The following ABCC2 variants were observed in gnomAD, a reference collection of about 807,000 sequenced individuals.
The protein encoded by ABCC2 is ATP binding cassette subfamily C member 2.
Under a neutral mutation model 173.4 loss-of-function variants are expected in ABCC2, and 157 were observed. That is an observed-to-expected ratio of 0.91 (90% CI 0.80 to 1.03). The LOEUF is 1.03. Ranked by LOEUF, ABCC2 falls within the 50% of genes least tolerant of loss-of-function variation. ABCC2 has a pLI of 0.00. For missense variants in ABCC2, 1,822 were observed against 1,852.3 expected (o/e 0.98, Z 0.30); for synonymous variants, 657 against 693.5 (o/e 0.95, Z 0.83).
In ABCC2 at chr10:99,800,408, GACC is replaced by G. The variant is rs1309842315; in HGVS notation, c.1055_1057del (p.Asp352_Arg353delinsGly). ...CAGATTGCTGATCTCCTTTGCAAGTGACCGTGACACATATTTGTGGATTGGATA... is the reference window on the plus strand; with the variant it reads ...CAGATTGCTGATCTCCTTTGCAAGTGGTGACACATATTTGTGGATTGGATA... On this transcript the variant is annotated inframe_deletion, in exon 9 of 32. Transcript: ENST00000647814. 8 of 1,614,046 alleles carry G rather than the reference GACC, an allele frequency of 5.0e-6. No homozygotes were observed. In the Admixed American group the frequency reaches 1.3e-4, roughly 27 times the overall value.
At position 99,790,921 on chromosome 10, in the gene ABCC2, TA is replaced by T. The variant is rs373491546; in HGVS notation, c.208-1312del. Reference sequence around the variant, plus strand: ...AAAAGAATGAATAAGGGTAGATGGATAGGGGCATAAAAGCATGAGGGGAGGG... The same window carrying T: ...AAAAGAATGAATAAGGGTAGATGGATGGGGCATAAAAGCATGAGGGGAGGG... On this transcript the variant is annotated intron_variant, in intron 2 of 31. Transcript: ENST00000647814. Among the ~76,000 whole-genome samples the T allele has an allele frequency of 3.7e-4, 56 of 152,178 alleles. No homozygotes were observed. In the East Asian group the frequency reaches 5.6e-3, roughly 15 times the overall value.
At chr10:99,839,120 C>T (rs1417171868) in intron 25 of ABCC2, among the ~76,000 whole-genome samples, 90 of 119,540 alleles carry the variant, frequency 7.5e-4, no homozygotes, top group African/African-American at 2.7e-3. Context: ...CCGGACGGGG[C>T]GGCTGGCCGG....
intron 25 of ABCC2, among the ~76,000 whole-genome samples, chr10:99,841,480 G>A (rs1184117754): frequency 6.6e-6 from 1 of 152,082 alleles, no homozygotes. Context: ...GCTTGAGCCC[G>A]GGAGGTCGAG....
chr10:99,819,331 T>A, intron 19 of ABCC2, 62 bp downstream of exon 19: 1 of 1,496,062 alleles, frequency 6.7e-7, no homozygotes, highest in Admixed American at 1.7e-5. Flanking sequence ...TAAATCAATA[T>A]CTAATTCCTG....
At chr10:99,835,055 G>C (rs530680567) in intron 24 of ABCC2, among the ~76,000 whole-genome samples, 3 of 152,166 alleles carry the variant, frequency 2.0e-5, no homozygotes, top group Non-Finnish European at 2.9e-5. Context: ...TGTATTCTTC[G>C]AGGGAATGTG....
chr10:99,851,520 C>T lies in ABCC2; in HGVS notation c.4527C>T (p.Asn1509=), dbSNP rs8187709. 2.8e-3 allele frequency: 4,483 copies of T among 1,613,970 alleles called. 9 individuals are homozygous for T. The highest frequency in any genetic ancestry group is 2.9e-3 in the Non-Finnish European group (3,434 of 1,179,948). Residue 1509 remains asparagine (N), a synonymous_variant, in exon 32 of 32, where the codon AAC becomes AAT. Transcript: ENST00000647814. ...GTTTCAGGGTAATGGTCCTAGACAA[C>T]GGGAAGATTATAGAGTGCGGCAGCC... is the stretch of plus-strand genomic sequence containing the variant. The part of the protein sequence containing the change: ...MDSDKVMVLD[N]GKIIECGSPE...
At chr10:99,837,060 A>G (rs1458744488) in intron 25 of ABCC2, among the ~76,000 whole-genome samples, 5 of 152,186 alleles carry the variant, frequency 3.3e-5, no homozygotes, top group Non-Finnish European at 5.9e-5. Context: ...TTCACTGTAA[A>G]GGACATATCA....
Position 99,844,472 on chromosome 10 carries a change from G to A in ABCC2, c.3987+7G>A, listed in dbSNP as rs1464796884. On this transcript the variant is annotated splice_region_variant and intron_variant, in intron 28 of 31. Transcript: ENST00000647814. ...CATCGGTAGCATGGAGAAGGTAGGT[G>A]GAGTGAAGGAAGGCCTGGATGGGAG... The A allele has an allele frequency of 1.2e-6, 2 of 1,612,754 alleles. No individual in the cohort carries two copies. The highest frequency in any genetic ancestry group is 3.3e-5 in the Admixed American group (2 of 60,010).
intron 25 of ABCC2, among the ~76,000 whole-genome samples, chr10:99,836,966 G>A (rs1401923437): frequency 6.6e-6 from 1 of 152,060 alleles, no homozygotes; most frequent in South Asian, 2.1e-4. Context: ...AATGTGGACA[G>A]GTCAGGAGTT....
rs1554854276 is a variant in ABCC2 at position 99,844,422 on chromosome 10, T to G, written c.3944T>G (p.Leu1315Arg). The change falls in exon 28 of 32, where the codon CTG (leucine) becomes CGG (arginine). Residue 1315 changes from leucine (L) to arginine (R), a missense_variant. Transcript: ENST00000647814. The stretch of plus-strand genomic sequence containing the variant: ...GTGCGGTACCGACCTGAGCTGGATC[T>G]GGTCCTCAGAGGGATCACTTGTGAC... ...YQVRYRPELD[L>R]VLRGITCDIG... 4 of 1,614,202 alleles carry G rather than the reference T, an allele frequency of 2.5e-6. No homozygotes were observed. The Middle Eastern group carries it at 4.9e-4, about 200-fold the overall frequency.
chr10:99,795,426 T>C (rs7899330), intron 6 of ABCC2, among the ~76,000 whole-genome samples: 151,318 of 152,248 alleles, frequency 0.99, 75,205 homozygotes, highest in Middle Eastern at 1. Flanking sequence ...CAGCCTGGCA[T>C]GGTAGCTCAT....
intron 26 of ABCC2, among the ~76,000 whole-genome samples, chr10:99,843,254 C>T (rs965695136): frequency 2.7e-5 from 4 of 150,778 alleles, no homozygotes; most frequent in African/African-American, 9.8e-5. Flanking sequence ...ACTCAAACAC[C>T]GGCAATTACA....
chr10:99,792,612 G>A (rs752810970), intron 3 of ABCC2, among the ~76,000 whole-genome samples: 4 of 152,092 alleles, frequency 2.6e-5, no homozygotes, highest in Admixed American at 6.6e-5. Flanking sequence ...TCTTATGTCC[G>A]CACATCTTGC....
intron 15 of ABCC2, among the ~76,000 whole-genome samples, chr10:99,812,576 G>A (rs2038234733): frequency 6.6e-6 from 1 of 152,118 alleles, no homozygotes; most frequent in Admixed American, 6.6e-5. Context: ...TGTTAATCTA[G>A]TCCAATCCCA....
chr10:99,816,443 C>A (rs760685979), intron 16 of ABCC2, among the ~76,000 whole-genome samples: 80 of 152,118 alleles, frequency 5.3e-4, no homozygotes, highest in Admixed American at 3.1e-3. Context: ...GCCACCAAGC[C>A]CAGCTACTTT....
intron 25 of ABCC2, among the ~76,000 whole-genome samples, chr10:99,838,381 C>T (rs10082536): frequency 4.8e-5 from 5 of 104,890 alleles, no homozygotes; most frequent in African/African-American, 6.8e-5. Context: ...GGCGGGGGGC[C>T]GACCCCCCCA....
At chr10:99,784,576 G>A in intron 1 of ABCC2, 32 bp from the exon 2 acceptor site, 1 of 1,612,320 alleles carries the variant, frequency 6.2e-7, no homozygotes. Context: ...CACAATGCAT[G>A]TATGCAACAA....
At chr10:99,822,400 A>C (rs1389034905) in intron 19 of ABCC2, among the ~76,000 whole-genome samples, 1 of 150,970 alleles carries the variant, frequency 6.6e-6, no homozygotes, top group Non-Finnish European at 1.5e-5. Flanking sequence ...CATTTTGTTC[A>C]TCTTGTGAGT....
chr10:99,826,505 G>A (rs967640606), intron 19 of ABCC2, among the ~76,000 whole-genome samples: 12 of 149,210 alleles, frequency 8.0e-5, no homozygotes, highest in African/African-American at 3.0e-4. Context: ...TAAATGAGGG[G>A]CAGGCGCTTC....
Sources: allele counts gnomAD v4.1 joint callset (sites outside exome capture counted in the v4.1 genomes callset), GRCh38; gene constraint gnomAD v4.1.1; transcripts MANE v1.5; gene names NCBI Gene and HGNC (gene_info 2026-07-23, HGNC 2026-07-21).